FAM135B: variants seen among roughly 807,000 people sequenced by gnomAD.
FAM135B encodes family with sequence similarity 135 member B.
FAM135B carries 43 observed loss-of-function variants against 127.7 expected under a neutral mutation model. The observed-to-expected ratio is 0.34, with a 90% CI of 0.26 to 0.43. FAM135B has a LOEUF of 0.43. Ranked by LOEUF, FAM135B falls within the 20% of genes least tolerant of loss-of-function variation. FAM135B has a pLI of 1.00. For missense variants in FAM135B, 1,558 were observed against 1,725.6 expected, an observed-to-expected ratio of 0.90 and a Z score of 1.72; for synonymous variants, 670 against 665.1, an observed-to-expected ratio of 1.01 and a Z score of -0.11.
chr8:138,334,299 C>A (rs898962601), intron 2 of FAM135B, among the ~76,000 whole-genome samples: 1 of 152,234 alleles, frequency 6.6e-6, no homozygotes, highest in Non-Finnish European at 1.5e-5. Context: ...TACATACCCA[C>A]ATCGCTCAGA....
chr8:138,427,683 A>C (rs74726540), intron 1 of FAM135B, among the ~76,000 whole-genome samples: 2,848 of 152,246 alleles, frequency 0.019, 82 homozygotes, highest in African/African-American at 0.064. Context: ...AGCACTTATT[A>C]AGAGTAGATC....
intron 7 of FAM135B, among the ~76,000 whole-genome samples, chr8:138,230,364 C>T (rs1819820710): frequency 6.6e-6 from 1 of 152,136 alleles, no homozygotes; most frequent in African/African-American, 2.4e-5. Flanking sequence ...CTTTTACGTC[C>T]AACAACCTAA....
chr8:138,220,061 T>A (rs868171105), intron 7 of FAM135B, among the ~76,000 whole-genome samples: 1 of 146,408 alleles, frequency 6.8e-6, no homozygotes, highest in African/African-American at 2.5e-5. Flanking sequence ...TTGCCTAAAA[T>A]CACACACACA....
At chr8:138,367,243 T>C (rs1342007249) in intron 2 of FAM135B, 12 of 350,590 alleles carry the variant, frequency 3.4e-5, no homozygotes, top group African/African-American at 6.5e-5. Flanking sequence ...GTCAGTAACA[T>C]GTCAAAAGTA....
intron 3 of FAM135B, among the ~76,000 whole-genome samples, chr8:138,280,747 C>T (rs1002309008): frequency 2.6e-5 from 4 of 152,044 alleles, no homozygotes; most frequent in African/African-American, 9.7e-5. Context: ...AGGTTTGGAT[C>T]GATAGGAGTT....
intron 2 of FAM135B, among the ~76,000 whole-genome samples, chr8:138,340,285 A>C (rs1034925572): frequency 1.3e-5 from 2 of 152,082 alleles, no homozygotes; most frequent in Admixed American, 6.5e-5. Context: ...CGAACGATAC[A>C]AACAGAAAGA....
At chr8:138,279,745 C>G (rs1469792965) in intron 3 of FAM135B, among the ~76,000 whole-genome samples, 1 of 152,172 alleles carries the variant, frequency 6.6e-6, no homozygotes, top group Non-Finnish European at 1.5e-5. Flanking sequence ...CTATTTTACC[C>G]ATCTTAGAGT....
At chr8:138,273,943 G>A (rs529508249) in intron 3 of FAM135B, among the ~76,000 whole-genome samples, 70 of 152,106 alleles carry the variant, frequency 4.6e-4, no homozygotes, top group Non-Finnish European at 8.1e-4. Context: ...ACTCTCAAAT[G>A]TATAATGCCA....
At chr8:138,446,209 C>T (rs1256468022) in intron 1 of FAM135B, among the ~76,000 whole-genome samples, 9 of 152,098 alleles carry the variant, frequency 5.9e-5, no homozygotes, top group African/African-American at 2.4e-5. Flanking sequence ...GAATCAATAT[C>T]GTGAAAATGG....
chr8:138,163,106 C>T (rs3898456), intron 12 of FAM135B, among the ~76,000 whole-genome samples: 43,441 of 152,042 alleles, frequency 0.29, 6,464 homozygotes, highest in Non-Finnish European at 0.34. Context: ...TGTTAGTTAA[C>T]GTGCATTCAG....
At chr8:138,138,052 G>A (rs1050179006) in intron 18 of FAM135B, among the ~76,000 whole-genome samples, 1 of 152,162 alleles carries the variant, frequency 6.6e-6, no homozygotes, top group Admixed American at 6.5e-5. Flanking sequence ...ATACATGGGC[G>A]AGGAAGACAA....
intron 9 of FAM135B, among the ~76,000 whole-genome samples, chr8:138,184,859 T>C (rs1329758950): frequency 5.3e-5 from 8 of 152,196 alleles, no homozygotes; most frequent in Non-Finnish European, 1.0e-4. Context: ...GCAGAATCTC[T>C]TGCCCCACCT....
chr8:138,173,251 T>C (rs1330186643), intron 11 of FAM135B, among the ~76,000 whole-genome samples: 1 of 152,198 alleles, frequency 6.6e-6, no homozygotes, highest in Non-Finnish European at 1.5e-5. Flanking sequence ...TGTCGGACTG[T>C]AACCCTGACT....
chr8:138,146,097 TA>T, intron 14 of FAM135B, 47 bp from the exon 15 acceptor site: 1 of 959,222 alleles, frequency 1.0e-6, no homozygotes, highest in African/African-American at 1.6e-5. Context: ...GTTAGTCATA[TA>T]AAAGGTTGAC....
intron 1 of FAM135B, among the ~76,000 whole-genome samples, chr8:138,407,009 C>T (rs1023129273): frequency 3.3e-5 from 5 of 150,226 alleles, no homozygotes; most frequent in African/African-American, 1.2e-4. Context: ...TAGAAAACCC[C>T]AATGTCTCAG....
At chr8:138,252,918 C>T (rs746121287) in intron 5 of FAM135B, among the ~76,000 whole-genome samples, 5 of 152,112 alleles carry the variant, frequency 3.3e-5, no homozygotes, top group Non-Finnish European at 7.4e-5. Flanking sequence ...TCCCACCTCA[C>T]CCTCCCAAGT....
At chr8:138,224,577 A>G (rs1053144863) in intron 7 of FAM135B, among the ~76,000 whole-genome samples, 2 of 152,216 alleles carry the variant, frequency 1.3e-5, no homozygotes, top group African/African-American at 4.8e-5. Flanking sequence ...TTGAGTAACA[A>G]CTAGCATGGA....
At chr8:138,217,500 G>A (rs372649145) in intron 7 of FAM135B, among the ~76,000 whole-genome samples, 8 of 142,928 alleles carry the variant, frequency 5.6e-5, no homozygotes, top group East Asian at 2.0e-4. Flanking sequence ...GCACGATCTC[G>A]GCTCACTGCA....
At chr8:138,442,989 CA>C (rs1272980853) in intron 1 of FAM135B, among the ~76,000 whole-genome samples, 1 of 152,098 alleles carries the variant, frequency 6.6e-6, no homozygotes, top group African/African-American at 2.4e-5. Flanking sequence ...TTTAATAAGT[CA>C]GGGGATTACA....
Sources: gnomAD v4.1 joint callset for allele counts (sites outside exome capture counted in the v4.1 genomes callset) on GRCh38, gnomAD v4.1.1 for gene constraint, MANE v1.5 for transcripts, NCBI Gene and HGNC (gene_info 2026-07-23, HGNC 2026-07-21) for gene names.